Variants in PEA15 observed in about 807,000 individuals in gnomAD.
The protein encoded by PEA15 is astrocytic phosphoprotein PEA-15.
For missense variants in PEA15, 77 were observed against 161.3 expected, an observed-to-expected ratio of 0.48 and a Z score of 2.83; for synonymous variants, 60 against 61.8, an observed-to-expected ratio of 0.97 and a Z score of 0.13.
chr1:160,206,013 G>C (rs954131396), intron 1 of PEA15: 29 of 152,218 alleles, frequency 1.9e-4, no homozygotes, highest in African/African-American at 6.8e-4. Context: ...GGGGTGTAGA[G>C]AAGTGATGTA....
chr1:160,210,923 A>G (rs868560400), intron 1 of PEA15, among the ~76,000 whole-genome samples: 67 of 152,300 alleles, frequency 4.4e-4, no homozygotes, highest in Non-Finnish European at 4.3e-4. Context: ...CAAGGCTAGC[A>G]TGGTGGGGCC....
chr1:160,212,858 A>T (rs1274823594), intron 2 of PEA15, among the ~76,000 whole-genome samples: 3 of 151,738 alleles, frequency 2.0e-5, no homozygotes, highest in African/African-American at 7.3e-5. Flanking sequence ...TCTAAGCTAA[A>T]CCCCTCATTC....
rs140386197 is a variant in PEA15, at chr1:160,211,643, C to G, written c.99C>G (p.Ser33Arg). 2 of 1,614,028 alleles carry G rather than the reference C, an allele frequency of 1.2e-6. No individual in the cohort carries two copies. Among genetic ancestry groups the G allele is most frequent in the Non-Finnish European group, 1.7e-6 (2 of 1,179,968 alleles). Residue 33 changes from serine to arginine, a missense_variant, in exon 2 of 4, where the codon AGC becomes AGG. Ser to Arg is a moderately radical substitution (Grantham distance 110). Coordinates refer to ENST00000360472, the MANE Select transcript of PEA15 (RefSeq NM_003768.5). ...LKSACKEDIP[S>R]EKSEEITTGS... ...CGGCCTGCAAGGAAGACATCCCCAG[C>G]GAAAAGAGTGAGGAGATCACTACTG...
Position 160,213,950 on chromosome 1 carries a change from C to T in PEA15, c.*464C>T, listed in dbSNP as rs41265779. The T allele has an allele frequency of 0.012, 2,106 of 181,430 alleles. 19 individuals are homozygous for T. Among genetic ancestry groups the T allele is most frequent in the Non-Finnish European group, 0.018 (1,482 of 84,298 alleles). The allele number at this position is 181,430 out of a possible 1,614,324, so 11.2% of individuals were successfully genotyped here. On this transcript the variant is annotated 3_prime_UTR_variant, in exon 4 of 4. Transcript: ENST00000360472. This position sits in a 1 kb window ranked among gnomAD's most constrained non-coding sequence, Gnocchi z 5.3. Reference sequence around the variant, plus strand: ...GAAGGCAAAGAGACCACTCAACCCCCACCTGGAAGGGGCAAAGAAAAGCCA... The same window carrying T: ...GAAGGCAAAGAGACCACTCAACCCCTACCTGGAAGGGGCAAAGAAAAGCCA...
Position 160,215,075 on chromosome 1 carries a change from G to A in PEA15, c.*1589G>A, listed in dbSNP as rs1655049208. The A allele has an allele frequency of 6.6e-6, 1 of 152,314 alleles. No individual in the cohort carries two copies. Among genetic ancestry groups the A allele is most frequent in the African/African-American group, 2.4e-5 (1 of 41,040 alleles). The allele number at this position is 152,314 out of a possible 1,614,324, so 9.4% of individuals were successfully genotyped here. Reference sequence around the variant, plus strand: ...CTGGCTTCTCCCTTAAGAAGAGAGAGATACTTGTAGAATTGGGTGGGGGGA... The same window carrying A: ...CTGGCTTCTCCCTTAAGAAGAGAGAAATACTTGTAGAATTGGGTGGGGGGA... On this transcript the variant is annotated 3_prime_UTR_variant, in exon 4 of 4. Transcript: ENST00000360472.
chr1:160,207,215 A>T (rs1654637346), intron 1 of PEA15: 1 of 152,542 alleles, frequency 6.6e-6, no homozygotes. Context: ...CTAAGTATTC[A>T]TGGCTACCAC....
At position 160,208,002 on chromosome 1, in the gene PEA15, G is replaced by A. The variant is rs776740893; in HGVS notation, c.-3+2480G>A. ...CTGCAACAGATGTGGAAGAGGGACG[G>A]GCAGCAACTCTTAATCTTCAGGCTT... On this transcript the variant is annotated intron_variant, in intron 1 of 3. Transcript: ENST00000360472. This position sits in a 1 kb window ranked among gnomAD's most constrained non-coding sequence, Gnocchi z 4.1. 5.3e-5 allele frequency among the ~76,000 whole-genome samples: 8 copies of A among 152,198 alleles called. No individual in the cohort carries two copies. The highest frequency in any genetic ancestry group is 8.8e-5 in the Non-Finnish European group (6 of 68,032).
At chr1:160,209,097 G>A (rs1654735181) in intron 1 of PEA15, among the ~76,000 whole-genome samples, 1 of 151,674 alleles carries the variant, frequency 6.6e-6, no homozygotes, top group South Asian at 2.1e-4. Flanking sequence ...GTGGTTATAT[G>A]CCTTCTTACA....
intron 1 of PEA15, among the ~76,000 whole-genome samples, chr1:160,207,851 G>C (rs963969128): frequency 6.6e-6 from 1 of 152,176 alleles, no homozygotes; most frequent in African/African-American, 2.4e-5. Context: ...GCCTCTCCGT[G>C]ATTACTTCCA....
At position 160,209,277 on chromosome 1, in the gene PEA15, C is replaced by A. The variant is rs369288139; in HGVS notation, c.-2-2266C>A. Among the ~76,000 whole-genome samples the A allele has an allele frequency of 5.3e-5, 8 of 152,250 alleles. No homozygotes were observed. The South Asian group carries it at 1.7e-3, about 32-fold the overall frequency. On this transcript the variant is annotated intron_variant, in intron 1 of 3. Transcript: ENST00000360472. ...CCTCCTCCAGAGCTGTGCCCACAAC[C>A]CGGGGATTAGCATCCATAAGATCCG... is the stretch of plus-strand genomic sequence containing the variant.
chr1:160,210,971 A>G (rs150270454), intron 1 of PEA15, among the ~76,000 whole-genome samples: 1 of 152,308 alleles, frequency 6.6e-6, no homozygotes, highest in African/African-American at 2.4e-5. Context: ...CATCTATCCA[A>G]AATGAGTCAT....
At position 160,208,510 on chromosome 1, in the gene PEA15, C is replaced by A; in HGVS notation, c.-3+2988C>A. Reference sequence around the variant, plus strand: ...CTGGTGATCCCTGAGCAGCTCTCTGCACTGCTCCAGAAATCAGGAGGATTT... The same window carrying A: ...CTGGTGATCCCTGAGCAGCTCTCTGAACTGCTCCAGAAATCAGGAGGATTT... On this transcript the variant is annotated intron_variant, in intron 1 of 3. Coordinates refer to ENST00000360472, the MANE Select transcript of PEA15 (RefSeq NM_003768.5). This position sits in a 1 kb window ranked among gnomAD's most constrained non-coding sequence, Gnocchi z 4.1. The A allele has an allele frequency of 8.9e-7, 1 of 1,125,770 alleles. No individual in the cohort carries two copies. Among genetic ancestry groups the A allele is most frequent in the East Asian group, 2.6e-5 (1 of 39,018 alleles). The allele number at this position is 1,125,770 out of a possible 1,614,324, so 69.7% of individuals were successfully genotyped here. A position where few individuals can be genotyped will look rare whatever the true frequency, so the allele number is the denominator to read the frequency against.
chr1:160,211,891 CG>C (rs1233658974), intron 2 of PEA15, among the ~76,000 whole-genome samples, 175 bp downstream of exon 2: 1 of 152,090 alleles, frequency 6.6e-6, no homozygotes, highest in Non-Finnish European at 1.5e-5. Flanking sequence ...TGCCCCTCAT[CG>C]GTAAAAAATG....
In PEA15 at chr1:160,205,480, G is replaced by A. The variant is rs1654525330; in HGVS notation, c.-45G>A. The A allele has an allele frequency of 6.0e-6, 1 of 167,580 alleles. No individual in the cohort carries two copies. Among genetic ancestry groups the A allele is most frequent in the Non-Finnish European group, 1.3e-5 (1 of 78,782 alleles). The allele number at this position is 167,580 out of a possible 1,614,324, so 10.4% of individuals were successfully genotyped here. The stretch of plus-strand genomic sequence containing the variant: ...TTCCGGACGCTGCTTAGGAACCGGG[G>A]ACTCAGGAGTGCCCGCGCCCTGAGC... On this transcript the variant is annotated 5_prime_UTR_variant, in exon 1 of 4. Transcript: ENST00000360472. This position sits in a 1 kb window ranked among gnomAD's most constrained non-coding sequence, Gnocchi z 5.9.
intron 1 of PEA15, among the ~76,000 whole-genome samples, chr1:160,209,960 C>T (rs549935024): frequency 6.6e-6 from 1 of 152,354 alleles, no homozygotes; most frequent in African/African-American, 2.4e-5. Context: ...TGTCTGGTTG[C>T]ACCTGGGTGT....
rs911419854 is a variant in PEA15, at chr1:160,205,761, G to A, written c.-3+239G>A. On this transcript the variant is annotated intron_variant, in intron 1 of 3. Coordinates refer to ENST00000360472, the MANE Select transcript of PEA15 (RefSeq NM_003768.5). This position sits in a 1 kb window ranked among gnomAD's most constrained non-coding sequence, Gnocchi z 5.9. ...CGTTCCACGCTGAACGGCAGTTTGG[G>A]AGTCGGACCGGGGCCTGTGGATTAG... 9.9e-5 allele frequency: 15 copies of A among 152,232 alleles called. No homozygotes were observed. The highest frequency in any genetic ancestry group is 3.6e-4 in the African/African-American group (15 of 41,444). 9.4% of individuals were successfully genotyped at this position (152,232 alleles called of 1,614,324 possible). A position where few individuals can be genotyped will look rare whatever the true frequency, so the allele number is the denominator to read the frequency against.
At position 160,213,506 on chromosome 1, in the gene PEA15, G is replaced by A; in HGVS notation, c.*20G>A. On this transcript the variant is annotated 3_prime_UTR_variant, in exon 4 of 4. Coordinates refer to ENST00000360472, the MANE Select transcript of PEA15 (RefSeq NM_003768.5). This position sits in a 1 kb window ranked among gnomAD's most constrained non-coding sequence, Gnocchi z 5.3. Reference sequence around the variant, plus strand: ...GCCTGAGCAAGGGGGAGGAAGAGGAGGAAGGTTGGACCTTCATCAGACCAC... The same window carrying A: ...GCCTGAGCAAGGGGGAGGAAGAGGAAGAAGGTTGGACCTTCATCAGACCAC... The A allele has an allele frequency of 6.2e-7, 1 of 1,610,764 alleles. No homozygotes were observed. Among genetic ancestry groups the A allele is most frequent in the Non-Finnish European group, 8.5e-7 (1 of 1,177,212 alleles).
chr1:160,208,831 C>A lies in PEA15; in HGVS notation c.-2-2712C>A. The A allele has an allele frequency of 1.6e-6, 1 of 614,240 alleles. No homozygotes were observed. 38.0% of individuals were successfully genotyped at this position (614,240 alleles called of 1,614,324 possible). A position where few individuals can be genotyped will look rare whatever the true frequency, so the allele number is the denominator to read the frequency against. ...GGGCCTTATTCCTATCCTTTCTGTC[C>A]CTTCTTACTCACCATTCCCTACACT... On this transcript the variant is annotated intron_variant, in intron 1 of 3. Coordinates refer to ENST00000360472, the MANE Select transcript of PEA15 (RefSeq NM_003768.5). This position sits in a 1 kb window ranked among gnomAD's most constrained non-coding sequence, Gnocchi z 4.1.
chr1:160,206,214 T>G (rs1229351056), intron 1 of PEA15: 1 of 152,224 alleles, frequency 6.6e-6, no homozygotes, highest in East Asian at 1.9e-4. Context: ...ACCCCCACTC[T>G]GTGGGGTGGG....
Sources: gnomAD v4.1 joint callset for allele counts (sites outside exome capture counted in the v4.1 genomes callset) on GRCh38, gnomAD v4.1.1 for gene constraint, Gnocchi (gnomAD v3.1) non-coding constraint, MANE v1.5 for transcripts, NCBI Gene and HGNC (gene_info 2026-07-23, HGNC 2026-07-21) for gene names.